AAK1: variants seen among roughly 807,000 people sequenced by gnomAD.
AAK1 encodes AP2-associated protein kinase 1.
A neutral mutation model predicts 116.0 loss-of-function variants in AAK1; 37 were observed. That is an observed-to-expected ratio of 0.32 (90% CI 0.25 to 0.42). The LOEUF is 0.42. AAK1 is among the 10% of genes least tolerant of loss of function. The pLI is 1.00. For synonymous variants in AAK1, 458 were observed against 439.9 expected (o/e 1.04, Z -0.51); for missense variants, 919 against 1,170.6 (o/e 0.79, Z 3.14).
At chr2:69,553,449 T>TTTG (rs1671263676) in intron 3 of AAK1, among the ~76,000 whole-genome samples, 1 of 138,288 alleles carries the variant, frequency 7.2e-6, no homozygotes, top group African/African-American at 2.8e-5. Context: ...TTTTTTTTTT[T>TTTG]TTTTTTTTTT....
chr2:69,510,004 T>C (rs1330823315), intron 13 of AAK1, among the ~76,000 whole-genome samples: 1 of 152,148 alleles, frequency 6.6e-6, no homozygotes, highest in Admixed American at 6.5e-5. Flanking sequence ...TCAGAGAAAA[T>C]TCTACTGTGA....
Position 69,466,880 on chromosome 2 carries a change from T to C in AAK1, c.*8989A>G. On this transcript the variant is annotated 3_prime_UTR_variant, in exon 22 of 22. Transcript: ENST00000409085. ...CCTGCTCTACCTGGCACTGGCTCAT[T>C]ATGGAATGAAAACAAACCCAGTCAT... The C allele has an allele frequency of 1.0e-6, 1 of 985,368 alleles. No individual in the cohort carries two copies. Among genetic ancestry groups the C allele is most frequent in the Non-Finnish European group, 1.2e-6 (1 of 829,928 alleles). 61.0% of individuals were successfully genotyped at this position (985,368 alleles called of 1,614,324 possible).
intron 2 of AAK1, among the ~76,000 whole-genome samples, chr2:69,561,056 A>G (rs1197274673): frequency 6.6e-6 from 1 of 152,226 alleles, no homozygotes; most frequent in Non-Finnish European, 1.5e-5. Flanking sequence ...CCAAAATTGT[A>G]TGTGAAATCT....
chr2:69,640,047 ACACACACTCTCTCTCT>A (rs1675639382), intron 2 of AAK1, among the ~76,000 whole-genome samples: 1 of 135,620 alleles, frequency 7.4e-6, no homozygotes, highest in South Asian at 2.3e-4. Flanking sequence ...ACACACACAC[ACACACACTCTCTCTCT>A]CTCTCTCTCT....
rs1675817603 is a variant in AAK1, at chr2:69,643,079, T to C, written c.-39A>G. On this transcript the variant is annotated 5_prime_UTR_variant, in exon 2 of 22. Transcript: ENST00000409085. ...AGCAGCAAAGCAAAATACCGATGGTTTCTAGATTTTTTTTTTTTTTTTTTT... is the reference window on the plus strand; with the variant it reads ...AGCAGCAAAGCAAAATACCGATGGTCTCTAGATTTTTTTTTTTTTTTTTTT... The C allele has an allele frequency of 4.2e-6, 6 of 1,435,716 alleles. No individual in the cohort carries two copies. In the East Asian group the frequency reaches 1.5e-4, roughly 37 times the overall value. The allele number at this position is 1,435,716 out of a possible 1,614,324, so 88.9% of individuals were successfully genotyped here. A position where few individuals can be genotyped will look rare whatever the true frequency, so the allele number is the denominator to read the frequency against.
chr2:69,632,608 A>G (rs375084003), intron 2 of AAK1, among the ~76,000 whole-genome samples: 2 of 152,232 alleles, frequency 1.3e-5, no homozygotes, highest in Non-Finnish European at 2.9e-5. Context: ...CTTAGAATCA[A>G]TGAACTAGCG....
chr2:69,468,292 G>C lies in AAK1; in HGVS notation c.*7577C>G. 1.0e-6 allele frequency: 1 copy of C among 985,244 alleles called. No homozygotes were observed. Among genetic ancestry groups the C allele is most frequent in the Non-Finnish European group, 1.2e-6 (1 of 829,806 alleles). The allele number at this position is 985,244 out of a possible 1,614,324, so 61.0% of individuals were successfully genotyped here. A position where few individuals can be genotyped will look rare whatever the true frequency, so the allele number is the denominator to read the frequency against. ...AAATTGATATTAGATTTGTCTCAGTGATACCAAGATGATAATTTCTGGGAG... is the reference window on the plus strand; with the variant it reads ...AAATTGATATTAGATTTGTCTCAGTCATACCAAGATGATAATTTCTGGGAG... On this transcript the variant is annotated 3_prime_UTR_variant, in exon 22 of 22. Coordinates refer to ENST00000409085, the MANE Select transcript of AAK1 (RefSeq NM_014911.5).
intron 16 of AAK1, among the ~76,000 whole-genome samples, chr2:69,502,718 C>G (rs1451210360): frequency 6.6e-6 from 1 of 152,220 alleles, no homozygotes; most frequent in African/African-American, 2.4e-5. Flanking sequence ...AAATGACTCT[C>G]ATTCACTATT....
At position 69,466,412 on chromosome 2, in the gene AAK1, G is replaced by C. The variant is rs779890234; in HGVS notation, c.*9457C>G. 5.8e-5 allele frequency: 75 copies of C among 1,289,726 alleles called. No individual in the cohort carries two copies. The highest frequency in any genetic ancestry group is 7.1e-5 in the Non-Finnish European group (70 of 988,888). The allele number at this position is 1,289,726 out of a possible 1,614,324, so 79.9% of individuals were successfully genotyped here. On this transcript the variant is annotated 3_prime_UTR_variant, in exon 22 of 22. Transcript: ENST00000409085. Reference sequence around the variant, plus strand: ...TTGAAGGGCCATCTCTGGCCAAGTAGTCAGATTCTAAGTTGTTCTGAGTCT... The same window carrying C: ...TTGAAGGGCCATCTCTGGCCAAGTACTCAGATTCTAAGTTGTTCTGAGTCT...
At chr2:69,559,291 C>A (rs1413594013) in intron 2 of AAK1, among the ~76,000 whole-genome samples, 1 of 132,924 alleles carries the variant, frequency 7.5e-6, no homozygotes, top group Non-Finnish European at 1.6e-5. Context: ...CACACACACA[C>A]ACACACACTC....
At chr2:69,567,394 C>G (rs1321162840) in intron 2 of AAK1, among the ~76,000 whole-genome samples, 1 of 152,148 alleles carries the variant, frequency 6.6e-6, no homozygotes, top group African/African-American at 2.4e-5. Context: ...TAGGGTAATT[C>G]CTGGTTGCAT....
Position 69,519,114 on chromosome 2 carries a change from G to A in AAK1, c.1337C>T (p.Pro446Leu). The change falls in exon 12 of 22, where the codon CCT (proline) becomes CTT (leucine). Residue 446 changes from proline to leucine, a missense_variant. By Grantham distance (98) the Pro-to-Leu change is moderately conservative (BLOSUM62 -3). Coordinates refer to ENST00000409085, the MANE Select transcript of AAK1 (RefSeq NM_014911.5). ...GGGCAGACCCTGGGCCTGAGTAGAA[G>A]GCGTCTGCTGTGGAGTGGGAGGAGC... Reference protein sequence around the residue: ...PQAPPTPQQTPSTQAQGLPAQ... With the variant: ...PQAPPTPQQTLSTQAQGLPAQ... The A allele has an allele frequency of 6.4e-7, 1 of 1,556,306 alleles. No individual in the cohort carries two copies. The highest frequency in any genetic ancestry group is 8.7e-7 in the Non-Finnish European group (1 of 1,149,360).
intron 17 of AAK1, among the ~76,000 whole-genome samples, chr2:69,492,513 C>G (rs1675565312): frequency 8.4e-6 from 1 of 118,922 alleles, no homozygotes; most frequent in Non-Finnish European, 1.6e-5. Context: ...CGTGCCTGGC[C>G]AATTCTTTTT....
Position 69,474,999 on chromosome 2 carries a change from T to C in AAK1, c.*870A>G. On this transcript the variant is annotated 3_prime_UTR_variant, in exon 22 of 22. Transcript: ENST00000409085. ...CCCACCCCCGCCCCAGTGAAAAGTC[T>C]TCTAATAAAAGGTATCATATTACCA... 2 of 883,040 alleles carry C rather than the reference T, an allele frequency of 2.3e-6. No homozygotes were observed. Among genetic ancestry groups the C allele is most frequent in the South Asian group, 5.5e-5 (1 of 18,102 alleles). The allele number at this position is 883,040 out of a possible 1,614,324, so 54.7% of individuals were successfully genotyped here. A position where few individuals can be genotyped will look rare whatever the true frequency, so the allele number is the denominator to read the frequency against.
Position 69,465,851 on chromosome 2 carries a change from G to C in AAK1, c.*10018C>G. The C allele has an allele frequency of 7.7e-7, 1 of 1,290,898 alleles. No individual in the cohort carries two copies. The highest frequency in any genetic ancestry group is 1.0e-6 in the Non-Finnish European group (1 of 988,878). The allele number at this position is 1,290,898 out of a possible 1,614,324, so 80.0% of individuals were successfully genotyped here. A position where few individuals can be genotyped will look rare whatever the true frequency, so the allele number is the denominator to read the frequency against. The stretch of plus-strand genomic sequence containing the variant: ...CTGTGGAATACTGAGCTTGGACAGA[G>C]GTGTACACAGCTCTCTCACGGCCCG... On this transcript the variant is annotated 3_prime_UTR_variant, in exon 22 of 22. Transcript: ENST00000409085.
At chr2:69,585,774 G>C (rs1442135915) in intron 2 of AAK1, among the ~76,000 whole-genome samples, 14 of 152,204 alleles carry the variant, frequency 9.2e-5, no homozygotes, top group Admixed American at 9.2e-4. Context: ...TCAGTCAGTA[G>C]TTTCCAGGGT....
At chr2:69,476,078 C>CA in intron 21 of AAK1, 115 bp from the exon 22 acceptor site, 5 of 1,468,062 alleles carry the variant, frequency 3.4e-6, no homozygotes, top group East Asian at 2.5e-5. Flanking sequence ...AAAAAAAAAC[C>CA]AAAAAAACCA....
intron 2 of AAK1, among the ~76,000 whole-genome samples, chr2:69,642,526 T>C (rs1167198788): frequency 6.6e-6 from 1 of 152,108 alleles, no homozygotes; most frequent in African/African-American, 2.4e-5. Flanking sequence ...CATCAAGATT[T>C]TAAGTTTTAG....
At chr2:69,515,908 A>C (rs1676563051) in intron 12 of AAK1, among the ~76,000 whole-genome samples, 1 of 152,218 alleles carries the variant, frequency 6.6e-6, no homozygotes. Flanking sequence ...TATCAACAGG[A>C]GACTGGCTGA....
Sources: allele counts gnomAD v4.1 joint callset (sites outside exome capture counted in the v4.1 genomes callset), GRCh38; gene constraint gnomAD v4.1.1; transcripts MANE v1.5; gene names NCBI Gene and HGNC (gene_info 2026-07-23, HGNC 2026-07-21).